Variants in CRISP1 observed in about 807,000 individuals in gnomAD.
The protein encoded by CRISP1 is cysteine rich secretory protein 1, also known as cysteine-rich secretory protein 1.
CRISP1 carries 44 observed loss-of-function variants against 33.1 expected under a neutral mutation model. That is an observed-to-expected ratio of 1.33 (90% confidence interval 1.05 to 1.71). CRISP1 has a LOEUF of 1.71. CRISP1 is among the 40% of genes most tolerant of loss of function. CRISP1 has a pLI of 0.00. For synonymous variants in CRISP1, 103 were observed against 98.7 expected (o/e 1.04, Z -0.26); for missense variants, 390 against 301.2 (o/e 1.29, Z -2.18).
At chr6:49,859,165 A>G (rs1561947875) in intron 1 of CRISP1, among the ~76,000 whole-genome samples, 1 of 152,014 alleles carries the variant, frequency 6.6e-6, no homozygotes, top group South Asian at 2.1e-4. Context: ...CCAAAGGCAC[A>G]GTTCCAGAGG....
chr6:49,861,778 A>C (rs1355019965), intron 1 of CRISP1, among the ~76,000 whole-genome samples: 1 of 152,020 alleles, frequency 6.6e-6, no homozygotes, highest in Non-Finnish European at 1.5e-5. Context: ...CTAGCTACTC[A>C]GGAGGTTGAG....
upstream of CRISP1, among the ~76,000 whole-genome samples, chr6:49,871,102 T>TC (rs1487595989): frequency 7.5e-6 from 1 of 132,584 alleles, no homozygotes. Flanking sequence ...AAACTCCATC[T>TC]CAAAACAAAA....
At chr6:49,863,916 A>G (rs1440351681) in intron 1 of CRISP1, among the ~76,000 whole-genome samples, 1 of 152,244 alleles carries the variant, frequency 6.6e-6, no homozygotes, top group Non-Finnish European at 1.5e-5. Context: ...TTACTGAGGT[A>G]TAACTTACAT....
intron 1 of CRISP1, among the ~76,000 whole-genome samples, chr6:49,871,890 T>C (rs965376928): frequency 5.9e-5 from 9 of 152,116 alleles, no homozygotes; most frequent in African/African-American, 2.2e-4. Context: ...AGCAGCATGA[T>C]TTATAATCCT....
At chr6:49,871,590 C>T (rs1554150926) in intron 1 of CRISP1, among the ~76,000 whole-genome samples, 1 of 132,726 alleles carries the variant, frequency 7.5e-6, no homozygotes, top group Non-Finnish European at 1.6e-5. Context: ...TGATGTTCCC[C>T]TTCCTGTGTC....
At chr6:49,872,638 C>T (rs901041142) in intron 1 of CRISP1, among the ~76,000 whole-genome samples, 53 of 152,178 alleles carry the variant, frequency 3.5e-4, no homozygotes, top group Non-Finnish European at 6.5e-4. Flanking sequence ...GTTTTCCCAG[C>T]ACCATTTATT....
chr6:49,854,009 T>C (rs111761206), intron 2 of CRISP1, among the ~76,000 whole-genome samples: 77 of 152,310 alleles, frequency 5.1e-4, no homozygotes, highest in African/African-American at 1.7e-3. Flanking sequence ...ACTCTGTCAC[T>C]CTCCACATTA....
At chr6:49,843,270 T>C (rs934442987) in intron 5 of CRISP1, among the ~76,000 whole-genome samples, 2 of 152,230 alleles carry the variant, frequency 1.3e-5, no homozygotes, top group Admixed American at 1.3e-4. Context: ...TCCTGCCACA[T>C]ACCCTTTGTG....
chr6:49,836,972 T>C (rs1225968661), intron 7 of CRISP1, among the ~76,000 whole-genome samples: 1 of 152,122 alleles, frequency 6.6e-6, no homozygotes, highest in East Asian at 1.9e-4. Flanking sequence ...GAAATATGAC[T>C]ATCAGTGGAT....
chr6:49,862,385 C>T (rs12191742), intron 1 of CRISP1, among the ~76,000 whole-genome samples: 21,584 of 145,968 alleles, frequency 0.15, 1,713 homozygotes, highest in African/African-American at 0.19. Flanking sequence ...TCTGAAAATA[C>T]ATAATATTAC....
At chr6:49,876,688 G>A (rs1772042553) in intron 1 of CRISP1, among the ~76,000 whole-genome samples, 1 of 152,026 alleles carries the variant, frequency 6.6e-6, no homozygotes, top group South Asian at 2.1e-4. Flanking sequence ...TATACACCAT[G>A]GAACACTATG....
intron 1 of CRISP1, among the ~76,000 whole-genome samples, chr6:49,864,626 T>C (rs1771752630): frequency 6.6e-6 from 1 of 152,168 alleles, no homozygotes; most frequent in South Asian, 2.1e-4. Context: ...ACTATTTCAT[T>C]GCAGTTTTTA....
At chr6:49,861,808 C>A (rs1438685681) in intron 1 of CRISP1, among the ~76,000 whole-genome samples, 1 of 151,940 alleles carries the variant, frequency 6.6e-6, no homozygotes, top group Non-Finnish European at 1.5e-5. Context: ...TCACTTGAAC[C>A]CAGGAGGCAG....
chr6:49,842,358 T>A (rs994870232), intron 5 of CRISP1, among the ~76,000 whole-genome samples: 10 of 152,176 alleles, frequency 6.6e-5, no homozygotes, highest in Admixed American at 4.6e-4. Context: ...TTTGCTATGT[T>A]CTCTCTCTAT....
At chr6:49,864,342 C>T (rs1293891909) in intron 1 of CRISP1, among the ~76,000 whole-genome samples, 1 of 150,600 alleles carries the variant, frequency 6.6e-6, no homozygotes, top group African/African-American at 2.4e-5. Flanking sequence ...AAACTATGAA[C>T]ATTTTCTCTG....
rs544315585 is a variant in CRISP1, at chr6:49,854,370, C to T, written c.67-2241G>A. Reference sequence around the variant, plus strand: ...GCAGTGTTTATTTATGATTATGCAGCTTATATCTCTTTTTTTGAGAAGAAG... The same window carrying T: ...GCAGTGTTTATTTATGATTATGCAGTTTATATCTCTTTTTTTGAGAAGAAG... On this transcript the variant is annotated intron_variant, in intron 2 of 7. Coordinates refer to ENST00000335847, the MANE Select transcript of CRISP1 (RefSeq NM_001131.3). Among the ~76,000 whole-genome samples, 9 of 152,190 alleles carry T rather than the reference C, an allele frequency of 5.9e-5. No homozygotes were observed. In the East Asian group the frequency reaches 1.4e-3, roughly 23 times the overall value.
At chr6:49,870,711 A>C (rs1218686298), upstream of CRISP1, among the ~76,000 whole-genome samples, 2 of 152,198 alleles carry the variant, frequency 1.3e-5, no homozygotes, top group South Asian at 4.1e-4. Context: ...ATATAACAAC[A>C]TCCTTGAGTT....
upstream of CRISP1, among the ~76,000 whole-genome samples, chr6:49,870,917 G>A (rs1355032357): frequency 3.3e-5 from 5 of 151,962 alleles, no homozygotes. Flanking sequence ...GCCAATCAAT[G>A]TGGTGAAACC....
intron 1 of CRISP1, among the ~76,000 whole-genome samples, chr6:49,865,766 C>A (rs947960929): frequency 1.3e-5 from 2 of 152,046 alleles, no homozygotes; most frequent in Admixed American, 1.3e-4. Context: ...GTGTAATTTA[C>A]AAGTCCAAGA....
Sources: gnomAD v4.1 joint callset for allele counts (sites outside exome capture counted in the v4.1 genomes callset) on GRCh38, gnomAD v4.1.1 for gene constraint, MANE v1.5 for transcripts, NCBI Gene and HGNC (gene_info 2026-07-23, HGNC 2026-07-21) for gene names.